USH2A: variants seen among roughly 807,000 people sequenced by gnomAD.
USH2A encodes the protein usherin, also known as Usher syndrome 2A (autosomal recessive, mild).
USH2A carries 443 observed loss-of-function variants against 538.9 expected under a neutral mutation model. The observed-to-expected ratio is 0.82, with a 90% CI of 0.76 to 0.89. The LOEUF (loss-of-function observed/expected upper bound fraction) is 0.89. USH2A is among the 40% of genes least tolerant of loss of function. USH2A has a pLI of 0.00. For missense variants in USH2A, 6,633 were observed against 6,324.8 expected (o/e 1.05, Z -1.65); for synonymous variants, 2,413 against 2,273.5 (o/e 1.06, Z -1.75).
intron 21 of USH2A, among the ~76,000 whole-genome samples, chr1:216,162,964 C>T (rs977004962): frequency 6.6e-6 from 1 of 151,830 alleles, no homozygotes; most frequent in Non-Finnish European, 1.5e-5. Flanking sequence ...GGGAACCTAC[C>T]CTCCAAATCT....
At chr1:215,669,941 C>A (rs953386595) in intron 64 of USH2A, among the ~76,000 whole-genome samples, 2 of 152,104 alleles carry the variant, frequency 1.3e-5, no homozygotes, top group East Asian at 3.9e-4. Context: ...TCAGTTTCCT[C>A]TTTTAGAAAA....
Position 216,088,746 on chromosome 1 carries a change from C to T in USH2A, c.4885+267G>A, listed in dbSNP as rs56158322. Among the ~76,000 whole-genome samples the T allele has an allele frequency of 0.052, 7,908 of 152,256 alleles. 287 individuals are homozygous for T. The highest frequency in any genetic ancestry group is 0.076 in the Non-Finnish European group (5,193 of 67,988). ...TCAAAAGTAAGATGACAGAACATAA[C>T]TAAAGGTCCACACGAATTGTAAAGA... On this transcript the variant is annotated intron_variant, in intron 23 of 71. Transcript: ENST00000307340.
intron 61 of USH2A, among the ~76,000 whole-genome samples, chr1:215,712,288 A>G (rs1302230805): frequency 6.6e-6 from 1 of 152,252 alleles, no homozygotes; most frequent in Non-Finnish European, 1.5e-5. Context: ...GGAGGATGAT[A>G]GCATAGGTCC....
chr1:215,673,384 T>C (rs989538482), intron 63 of USH2A, among the ~76,000 whole-genome samples: 5 of 152,178 alleles, frequency 3.3e-5, no homozygotes, highest in Non-Finnish European at 7.3e-5. Flanking sequence ...ATTTTAAGCA[T>C]AAAATGTCTC....
chr1:216,209,287 G>A (rs1224065572), intron 15 of USH2A, among the ~76,000 whole-genome samples: 2 of 152,200 alleles, frequency 1.3e-5, no homozygotes, highest in Non-Finnish European at 2.9e-5. Flanking sequence ...GACACAGGGA[G>A]CGGGGAATTA....
chr1:216,014,589 G>C (rs767192002), intron 32 of USH2A, among the ~76,000 whole-genome samples: 4 of 152,332 alleles, frequency 2.6e-5, no homozygotes, highest in East Asian at 1.9e-4. Context: ...TAAGGCCACT[G>C]TTTGTAAGAG....
intron 38 of USH2A, among the ~76,000 whole-genome samples, chr1:215,931,307 C>T (rs1213101861): frequency 2.0e-5 from 3 of 151,846 alleles, no homozygotes; most frequent in Non-Finnish European, 4.4e-5. Context: ...AAGATGTGTC[C>T]TGACTACAAA....
intron 9 of USH2A, among the ~76,000 whole-genome samples, chr1:216,293,574 G>C (rs957062467): frequency 6.6e-6 from 1 of 152,148 alleles, no homozygotes; most frequent in African/African-American, 2.4e-5. Flanking sequence ...CCTCAGTAGT[G>C]ACTATTTCTT....
intron 19 of USH2A, among the ~76,000 whole-genome samples, chr1:216,192,741 T>C (rs998365001): frequency 5.9e-5 from 9 of 151,958 alleles, no homozygotes; most frequent in African/African-American, 2.2e-4. Flanking sequence ...GTGATATATC[T>C]ATGTCCTTAT....
rs869080030 is a variant in USH2A at position 215,917,780 on chromosome 1, C to CAA, written c.7300+16834_7300+16835dup. On this transcript the variant is annotated intron_variant, in intron 38 of 71. Coordinates refer to ENST00000307340, the MANE Select transcript of USH2A (RefSeq NM_206933.4). The stretch of plus-strand genomic sequence containing the variant: ...GTAACATAGTGAAACCCTATCACTA[C>CAA]AAAAAAAAAAAAAAAAAAAAAAAAA... Among the ~76,000 whole-genome samples the CAA allele has an allele frequency of 8.3e-4, 74 of 89,618 alleles. 1 individual carries two copies. Among genetic ancestry groups the CAA allele is most frequent in the East Asian group, 3.5e-3 (9 of 2,606 alleles). 58.8% of individuals were successfully genotyped at this position (89,618 alleles called of 152,430 possible).
At chr1:216,099,767 A>T (rs2032532858) in intron 21 of USH2A, among the ~76,000 whole-genome samples, 1 of 152,226 alleles carries the variant, frequency 6.6e-6, no homozygotes, top group African/African-American at 2.4e-5. Flanking sequence ...ATGGGGCATT[A>T]ATAACAGAAA....
At chr1:216,259,640 A>G (rs1162427763) in intron 11 of USH2A, among the ~76,000 whole-genome samples, 1 of 152,140 alleles carries the variant, frequency 6.6e-6, no homozygotes, top group Non-Finnish European at 1.5e-5. Flanking sequence ...ACTAGGGCAG[A>G]ATAAGTAAAA....
rs74141416 is a variant in USH2A, at chr1:215,785,321, T to C, written c.10387+1349A>G. On this transcript the variant is annotated intron_variant, in intron 52 of 71. Transcript: ENST00000307340. ...ATAAAGGAGGACATTTCAGGTGGAA[T>C]AACAGCTTGAAGTGCATTTGGAGCA... Among the ~76,000 whole-genome samples the C allele has an allele frequency of 6.2e-3, 949 of 152,288 alleles. 11 individuals carry two copies. Among genetic ancestry groups the C allele is most frequent in the African/African-American group, 0.022 (899 of 41,566 alleles).
intron 70 of USH2A, chr1:215,629,966 G>A (rs545689688): frequency 2.9e-5 from 11 of 376,074 alleles, no homozygotes; most frequent in Admixed American, 2.7e-4. Flanking sequence ...TAGTAGAGAC[G>A]GGGTTTCACC....
chr1:216,242,246 G>T (rs2035953372), intron 13 of USH2A, among the ~76,000 whole-genome samples: 1 of 151,360 alleles, frequency 6.6e-6, no homozygotes, highest in Admixed American at 6.6e-5. Context: ...TGCTCGGGAG[G>T]CTGAGGCAGG....
intron 9 of USH2A, among the ~76,000 whole-genome samples, chr1:216,320,327 A>G (rs1259304804): frequency 6.6e-6 from 1 of 152,092 alleles, no homozygotes; most frequent in Non-Finnish European, 1.5e-5. Context: ...AGATGCTGGC[A>G]CCAAGCTTGT....
chr1:215,799,878 C>T (rs1309273330), intron 49 of USH2A, among the ~76,000 whole-genome samples: 2 of 151,870 alleles, frequency 1.3e-5, no homozygotes, highest in South Asian at 2.1e-4. Context: ...CCCACCTACT[C>T]GAGAGGCTGA....
intron 22 of USH2A, among the ~76,000 whole-genome samples, chr1:216,090,202 T>G (rs1051328079): frequency 5.9e-5 from 9 of 151,956 alleles, no homozygotes; most frequent in African/African-American, 2.2e-4. Flanking sequence ...GCTATGCTGT[T>G]TTTTTCAAAA....
At chr1:216,046,891 T>C (rs1215830666) in intron 31 of USH2A, among the ~76,000 whole-genome samples, 4 of 152,158 alleles carry the variant, frequency 2.6e-5, no homozygotes, top group African/African-American at 4.8e-5. Flanking sequence ...CTGTACCTAT[T>C]AAAGCAAATT....
Sources: gnomAD v4.1 joint callset for allele counts (sites outside exome capture counted in the v4.1 genomes callset) on GRCh38, gnomAD v4.1.1 for gene constraint, MANE v1.5 for transcripts, NCBI Gene and HGNC (gene_info 2026-07-23, HGNC 2026-07-21) for gene names.